The following CPT1C variants were observed in gnomAD, a reference collection of about 807,000 sequenced individuals.
CPT1C encodes the protein palmitoyl thioesterase CPT1C.
Under a neutral mutation model 97.3 loss-of-function variants are expected in CPT1C, and 61 were observed. The ratio of observed to expected loss-of-function variants is 0.63; its 90% CI spans 0.51 to 0.78. The LOEUF (loss-of-function observed/expected upper bound fraction) is 0.78. CPT1C is among the 30% of genes least tolerant of loss of function. The pLI, the probability that CPT1C is intolerant of heterozygous loss-of-function variation, is 0.00. For synonymous variants in CPT1C, 469 were observed against 447.2 expected (o/e 1.05, Z -0.61); for missense variants, 975 against 1,065.5 (o/e 0.92, Z 1.18).
chr19:49,704,426 C>T (rs1350828924), intron 7 of CPT1C, among the ~76,000 whole-genome samples: 1 of 152,242 alleles, frequency 6.6e-6, no homozygotes, highest in East Asian at 1.9e-4. Flanking sequence ...CCCGCTTAGC[C>T]TCCCAAAGTG....
intron 3 of CPT1C, among the ~76,000 whole-genome samples, chr19:49,696,172 C>T (rs951009942): frequency 1.3e-5 from 2 of 152,152 alleles, no homozygotes; most frequent in Non-Finnish European, 2.9e-5. Context: ...CTACTGCGCC[C>T]GGCCAAACCC....
intron 3 of CPT1C, among the ~76,000 whole-genome samples, chr19:49,693,911 A>G (rs1239354069): frequency 6.6e-6 from 1 of 151,898 alleles, no homozygotes; most frequent in Non-Finnish European, 1.5e-5. Flanking sequence ...ACACACACAC[A>G]CAAATTAGCC....
In CPT1C at chr19:49,705,108, AC is replaced by A. The variant is rs780442933; in HGVS notation, c.878del (p.Pro293ArgfsTer4). ...GCCACCGCCTGAACCGCCAGGAGAT[AC>A]CCCCGGTGAGAGGGCCCCAGTGGGT... ...YRHRLNRQEIPPTLLMGMRPL... is the reference protein window; with the variant it reads ...YRHRLNRQEIXPTLLMGMRPL... On this transcript the variant is annotated frameshift_variant, in exon 9 of 20. Transcript: ENST00000598293. LOFTEE classifies it high-confidence loss of function. 1 of 1,613,520 alleles carries A rather than the reference AC, an allele frequency of 6.2e-7. No individual in the cohort carries two copies. Among genetic ancestry groups the A allele is most frequent in the South Asian group, 1.1e-5 (1 of 91,038 alleles).
chr19:49,704,571 G>T, intron 7 of CPT1C, 139 bp from the exon 8 acceptor site: 2 of 666,076 alleles, frequency 3.0e-6, no homozygotes, highest in Non-Finnish European at 2.7e-6. Context: ...GTGATCGCTA[G>T]TTACTGACTA....
chr19:49,702,140 T>TATATATTTATTTATAAATTATAAATAA, intron 7 of CPT1C, among the ~76,000 whole-genome samples: 1 of 112,656 alleles, frequency 8.9e-6, no homozygotes, highest in African/African-American at 3.2e-5. Flanking sequence ...TATAAATAAA[T>TATATATTTATTTATAAATTATAAATAA]ATATATTTAT....
chr19:49,711,977 A>G lies in CPT1C; in HGVS notation c.2019+16A>G. The G allele has an allele frequency of 6.2e-7, 1 of 1,612,798 alleles. No homozygotes were observed. Among genetic ancestry groups the G allele is most frequent in the Non-Finnish European group, 8.5e-7 (1 of 1,179,218 alleles). On this transcript the variant is annotated intron_variant, in intron 17 of 19. Coordinates refer to ENST00000598293, the MANE Select transcript of CPT1C (RefSeq NM_001199753.2). ...CCTGACCCAGGTTGGGGCACAGGGAAAGGGTTAGAGAGGGAAGTGGGAGAC... is the reference window on the plus strand; with the variant it reads ...CCTGACCCAGGTTGGGGCACAGGGAGAGGGTTAGAGAGGGAAGTGGGAGAC...
chr19:49,704,323 C>A (rs912449494), intron 7 of CPT1C, among the ~76,000 whole-genome samples: 9 of 152,112 alleles, frequency 5.9e-5, no homozygotes, highest in Non-Finnish European at 1.0e-4. Context: ...AGGCGTGCAC[C>A]ACCACGTGTG....
In CPT1C at chr19:49,706,219, C is replaced by G; in HGVS notation, c.1161-12C>G. The G allele has an allele frequency of 6.5e-7, 1 of 1,533,482 alleles. No individual in the cohort carries two copies. The highest frequency in any genetic ancestry group is 1.3e-5 in the South Asian group (1 of 78,974). The allele number at this position is 1,533,482 out of a possible 1,614,324, so 95.0% of individuals were successfully genotyped here. A position where few individuals can be genotyped will look rare whatever the true frequency, so the allele number is the denominator to read the frequency against. ...GGGCAGGATGGACTCAGGCACATCC[C>G]GGGCCCTCCAGGGGCACGTGGGCCC... On this transcript the variant is annotated splice_polypyrimidine_tract_variant and intron_variant, in intron 11 of 19. Transcript: ENST00000598293. The surrounding 1 kb of genome is among the most constrained non-coding windows in gnomAD (Gnocchi z 4.8).
chr19:49,705,010 T>G lies in CPT1C; in HGVS notation c.775T>G (p.Phe259Val), dbSNP rs760344623. Residue 259 changes from phenylalanine (F) to valine (V), a missense_variant, in exon 9 of 20, where the codon TTC (phenylalanine) becomes GTC (valine). Physicochemically the swap from Phe to Val is conservative, Grantham distance 50. Coordinates refer to ENST00000598293, the MANE Select transcript of CPT1C (RefSeq NM_001199753.2). ...MVNSNYYMMDFLYVTPTPLQA... is the reference protein window; with the variant it reads ...MVNSNYYMMDVLYVTPTPLQA... Reference sequence around the variant, plus strand: ...CATCCCCTCTCCTGGTCCCCAGGACTTCCTGTATGTCACACCCACGCCTCT... The same window carrying G: ...CATCCCCTCTCCTGGTCCCCAGGACGTCCTGTATGTCACACCCACGCCTCT... 1 of 1,592,606 alleles carries G rather than the reference T, an allele frequency of 6.3e-7. No homozygotes were observed. The highest frequency in any genetic ancestry group is 8.6e-7 in the Non-Finnish European group (1 of 1,165,878).
chr19:49,710,267 A>C (rs1299383269), intron 14 of CPT1C, 53 bp from the exon 15 acceptor site: 2 of 1,577,044 alleles, frequency 1.3e-6, no homozygotes, highest in East Asian at 2.3e-5. Flanking sequence ...CCTGGCTTTC[A>C]CCCTACCCCC....
In CPT1C at chr19:49,711,838, G is replaced by T; in HGVS notation, c.1896G>T (p.Val632=). The change falls in exon 17 of 20, where the codon GTG becomes GTT. Residue 632 remains valine (V), a synonymous_variant. Transcript: ENST00000598293. Reference sequence around the variant, plus strand: ...CACAGTGCCTCGCCCTGTTCCGCGTGGCAGTGGACAAGCACCAGGCTCTGC... The same window carrying T: ...CACAGTGCCTCGCCCTGTTCCGCGTTGCAGTGGACAAGCACCAGGCTCTGC... The part of the protein sequence containing the change: ...TDPQCLALFR[V]AVDKHQALLK... The T allele has an allele frequency of 1.9e-6, 3 of 1,613,754 alleles. No individual in the cohort carries two copies. Among genetic ancestry groups the T allele is most frequent in the Non-Finnish European group, 2.5e-6 (3 of 1,180,026 alleles).
chr19:49,704,705 C>T lies in CPT1C; in HGVS notation c.694-5C>T. The T allele has an allele frequency of 6.2e-7, 1 of 1,613,548 alleles. No homozygotes were observed. The highest frequency in any genetic ancestry group is 2.2e-5 in the East Asian group (1 of 44,878). ...TCACTGTGTGTCTCCCCACCCCGCT[C>T]CCAGGTCAGTGACTGGTGGGAGGAA... On this transcript the variant is annotated splice_region_variant and splice_polypyrimidine_tract_variant and intron_variant, in intron 7 of 19. Coordinates refer to ENST00000598293, the MANE Select transcript of CPT1C (RefSeq NM_001199753.2).
Position 49,712,954 on chromosome 19 carries a change from C to T in CPT1C, c.2134-18C>T, listed in dbSNP as rs760371101. 2.7e-5 allele frequency: 43 copies of T among 1,610,666 alleles called. No homozygotes were observed. Among genetic ancestry groups the T allele is most frequent in the Middle Eastern group, 3.3e-4 (2 of 6,082 alleles). ...GGGACCGGAGCTATTTTCTTCCCTT[C>T]ACTCTTTCCGTCTCCAGGCTGATGA... On this transcript the variant is annotated intron_variant, in intron 18 of 19. Transcript: ENST00000598293.
chr19:49,700,930 C>T (rs565950288), intron 5 of CPT1C, 75 bp downstream of exon 5: 4 of 1,498,982 alleles, frequency 2.7e-6, no homozygotes, highest in Admixed American at 1.7e-5. Flanking sequence ...GGGTCTCTGT[C>T]CCCCTCTCTC....
chr19:49,709,732 T>A (rs1014458133), intron 14 of CPT1C, among the ~76,000 whole-genome samples: 1 of 151,956 alleles, frequency 6.6e-6, no homozygotes, highest in Non-Finnish European at 1.5e-5. Context: ...ATTTTTTTAT[T>A]TTTAATAGAG....
rs2083771615 is a variant in CPT1C, at chr19:49,710,228, C to T, written c.1567-92C>T. 4.7e-6 allele frequency: 6 copies of T among 1,282,300 alleles called. No homozygotes were observed. In the South Asian group the frequency reaches 6.5e-5, roughly 14 times the overall value. 79.4% of individuals were successfully genotyped at this position (1,282,300 alleles called of 1,614,324 possible). A position where few individuals can be genotyped will look rare whatever the true frequency, so the allele number is the denominator to read the frequency against. On this transcript the variant is annotated intron_variant, in intron 14 of 19. Coordinates refer to ENST00000598293, the MANE Select transcript of CPT1C (RefSeq NM_001199753.2). ...TCCATATTCTGCCGCAACCTTAACT[C>T]CACATCCACCTCCGCTTCCAGCCTT... is the stretch of plus-strand genomic sequence containing the variant.
chr19:49,701,463 C>T (rs2083052545), intron 6 of CPT1C, 34 bp from the exon 7 acceptor site: 1 of 1,590,998 alleles, frequency 6.3e-7, no homozygotes, highest in Non-Finnish European at 8.6e-7. Flanking sequence ...CCGGGGCGGG[C>T]CGGGGGCGTG....
intron 4 of CPT1C, among the ~76,000 whole-genome samples, chr19:49,699,911 G>A (rs1283284577): frequency 4.7e-5 from 7 of 148,962 alleles, no homozygotes; most frequent in Middle Eastern, 7.6e-3. Flanking sequence ...CCGAGATAGT[G>A]CCACTGCACT....
At chr19:49,703,492 T>C (rs1474896197) in intron 7 of CPT1C, among the ~76,000 whole-genome samples, 1 of 150,048 alleles carries the variant, frequency 6.7e-6, no homozygotes, top group Non-Finnish European at 1.5e-5. Context: ...TGAGCCACCA[T>C]GCCCGGCCTC....
Sources: gnomAD v4.1 joint callset for allele counts (sites outside exome capture counted in the v4.1 genomes callset) on GRCh38, gnomAD v4.1.1 for gene constraint, Gnocchi (gnomAD v3.1) non-coding constraint, MANE v1.5 for transcripts, NCBI Gene and HGNC (gene_info 2026-07-23, HGNC 2026-07-21) for gene names.